The following ELP1 variants were observed in gnomAD, a reference collection of about 807,000 sequenced individuals.
The protein encoded by ELP1 is elongator acetyltransferase complex subunit 1.
ELP1 carries 131 observed loss-of-function variants against 183.2 expected under a neutral mutation model. The observed-to-expected ratio is 0.72, with a 90% CI of 0.62 to 0.83. The LOEUF (loss-of-function observed/expected upper bound fraction) is 0.83. Ranked by LOEUF, ELP1 falls within the 40% of genes least tolerant of loss-of-function variation. The pLI, the probability that ELP1 is intolerant of heterozygous loss-of-function variation, is 0.00. For missense variants in ELP1, 1,550 were observed against 1,594.9 expected, an observed-to-expected ratio of 0.97 and a Z score of 0.48; for synonymous variants, 555 against 569.0, an observed-to-expected ratio of 0.98 and a Z score of 0.35.
rs756080414 is a variant in ELP1, at chr9:108,880,032, G to A, written c.3460+20C>T. 1.3e-6 allele frequency: 2 copies of A among 1,485,736 alleles called. No individual in the cohort carries two copies. The highest frequency in any genetic ancestry group is 1.1e-5 in the South Asian group (1 of 88,630). The allele number at this position is 1,485,736 out of a possible 1,614,324, so 92.0% of individuals were successfully genotyped here. On this transcript the variant is annotated intron_variant, in intron 32 of 36. Transcript: ENST00000374647. ...ACCCCACTGCCCCCGCACGTCGATG[G>A]CCTTCACGCAGATACTCACCCAGAC...
At position 108,918,861 on chromosome 9, in the gene ELP1, C is replaced by A; in HGVS notation, c.690G>T (p.Leu230Phe). The stretch of plus-strand genomic sequence containing the variant: ...CTGCCACAGGCTCACTGGTTGACTG[C>A]AAAGCAAACTCTCGGTTCCACACTC... The part of the protein sequence containing the change: ...KVRVWNREFA[L>F]QSTSEPVAGL... Residue 230 changes from leucine (L) to phenylalanine (F), a missense_variant, in exon 8 of 37, where the codon TTG becomes TTT. Transcript: ENST00000374647. 1 of 1,614,170 alleles carries A rather than the reference C, an allele frequency of 6.2e-7. No individual in the cohort carries two copies. Among genetic ancestry groups the A allele is most frequent in the Non-Finnish European group, 8.5e-7 (1 of 1,180,024 alleles).
chr9:108,885,143 A>G (rs1828077274), intron 29 of ELP1, among the ~76,000 whole-genome samples: 1 of 151,970 alleles, frequency 6.6e-6, no homozygotes, highest in Admixed American at 6.6e-5. Flanking sequence ...CATCACCTTA[A>G]GAAACTAGAA....
intron 1 of ELP1, among the ~76,000 whole-genome samples, chr9:108,932,995 T>G (rs1332233209): frequency 6.6e-6 from 1 of 152,214 alleles, no homozygotes; most frequent in Non-Finnish European, 1.5e-5. Context: ...TGGCTAGACA[T>G]CACATGCATG....
chr9:108,928,185 T>C (rs1390582798), intron 3 of ELP1, among the ~76,000 whole-genome samples: 1 of 152,178 alleles, frequency 6.6e-6, no homozygotes, highest in African/African-American at 2.4e-5. Flanking sequence ...AAATTAAAAA[T>C]TTATATTTAA....
chr9:108,872,631 C>T (rs963591785), intron 36 of ELP1, among the ~76,000 whole-genome samples: 3 of 151,152 alleles, frequency 2.0e-5, no homozygotes, highest in Admixed American at 6.6e-5. Context: ...GGTGAAACCC[C>T]GTCTCTACTA....
At chr9:108,887,467 C>T (rs1428137928) in intron 29 of ELP1, among the ~76,000 whole-genome samples, 1 of 152,156 alleles carries the variant, frequency 6.6e-6, no homozygotes, top group Non-Finnish European at 1.5e-5. Context: ...CCAAGAGCTT[C>T]TAGAACTAAT....
In ELP1 at chr9:108,881,742, A is replaced by G. The variant is rs1140075; in HGVS notation, c.3309T>C (p.Asp1103=). 10 of 1,582,842 alleles carry G rather than the reference A, an allele frequency of 6.3e-6. No individual in the cohort carries two copies. The South Asian group carries it at 1.0e-4, about 16-fold the overall frequency. The part of the protein sequence containing the change: ...LRLVYKYNRL[D]IIETNVKPSI... ...AAGGCTTTACGTTGGTTTCTATAAT[A>G]TCCAGTCTGTTATATTTGTATACCT... The change falls in exon 31 of 37, where the codon GAT becomes GAC. Residue 1103 remains aspartate (D), a synonymous_variant. Coordinates refer to ENST00000374647, the MANE Select transcript of ELP1 (RefSeq NM_003640.5).
At chr9:108,880,994 G>GT (rs1390199664) in intron 31 of ELP1, among the ~76,000 whole-genome samples, 1 of 152,136 alleles carries the variant, frequency 6.6e-6, no homozygotes, top group Non-Finnish European at 1.5e-5. Flanking sequence ...ACTCCCTAAG[G>GT]TTTCTATAAG....
intron 29 of ELP1, among the ~76,000 whole-genome samples, chr9:108,882,746 C>T (rs1827981494): frequency 6.6e-6 from 1 of 152,056 alleles, no homozygotes; most frequent in African/African-American, 2.4e-5. Flanking sequence ...AGGAATATGC[C>T]ACCACACCCA....
rs755406671 is a variant in ELP1 at position 108,910,991 on chromosome 9, C to T, written c.1360+19G>A. Reference sequence around the variant, plus strand: ...AGGGACTTGATTCAGAACATCTTGGCAAAAGTTTTATAACATACCACATTT... The same window carrying T: ...AGGGACTTGATTCAGAACATCTTGGTAAAAGTTTTATAACATACCACATTT... On this transcript the variant is annotated intron_variant, in intron 12 of 36. Coordinates refer to ENST00000374647, the MANE Select transcript of ELP1 (RefSeq NM_003640.5). 1.2e-6 allele frequency: 2 copies of T among 1,612,624 alleles called. No individual in the cohort carries two copies. Among genetic ancestry groups the T allele is most frequent in the Non-Finnish European group, 1.7e-6 (2 of 1,178,714 alleles).
intron 9 of ELP1, among the ~76,000 whole-genome samples, chr9:108,917,008 T>A (rs967276850): frequency 1.3e-5 from 2 of 152,234 alleles, no homozygotes; most frequent in African/African-American, 4.8e-5. Flanking sequence ...AAAACTAGCA[T>A]TTTTATTTCC....
At position 108,901,547 on chromosome 9, in the gene ELP1, G is replaced by A. The variant is rs373498962; in HGVS notation, c.1909-17C>T. On this transcript the variant is annotated splice_polypyrimidine_tract_variant and intron_variant, in intron 17 of 36. Transcript: ENST00000374647. ...TGACGCAACCTGCAAGAGAAGGCCA[G>A]AGAGGCATGGGTGAAAGCTAGCTAG... 2.5e-6 allele frequency: 4 copies of A among 1,611,834 alleles called. No individual in the cohort carries two copies. The highest frequency in any genetic ancestry group is 3.4e-6 in the Non-Finnish European group (4 of 1,177,818).
intron 35 of ELP1, among the ~76,000 whole-genome samples, chr9:108,876,206 G>A (rs778630998): frequency 3.3e-5 from 5 of 152,076 alleles, no homozygotes; most frequent in African/African-American, 4.8e-5. Flanking sequence ...AGCCCGGGGC[G>A]GTGGATGCTG....
At chr9:108,890,192 C>T (rs999000207) in intron 28 of ELP1, among the ~76,000 whole-genome samples, 3 of 151,930 alleles carry the variant, frequency 2.0e-5, no homozygotes, top group African/African-American at 7.3e-5. Flanking sequence ...CAATGGAGAC[C>T]GAACGAATAA....
In ELP1 at chr9:108,934,009, G is replaced by T. The variant is rs759954612; in HGVS notation, c.-201C>A. 2 of 156,534 alleles carry T rather than the reference G, an allele frequency of 1.3e-5. No homozygotes were observed. The highest frequency in any genetic ancestry group is 2.4e-5 in the African/African-American group (1 of 41,470). The allele number at this position is 156,534 out of a possible 1,614,324, so 9.7% of individuals were successfully genotyped here. On this transcript the variant is annotated 5_prime_UTR_variant, in exon 1 of 37. Coordinates refer to ENST00000374647, the MANE Select transcript of ELP1 (RefSeq NM_003640.5). The stretch of plus-strand genomic sequence containing the variant: ...TGTCCGCGGCTCCCGCTCTCTCTCC[G>T]ACGGCACTAGGCCTCCAAGGATGGA...
intron 26 of ELP1, 135 bp downstream of exon 26, chr9:108,893,808 G>T: frequency 2.2e-6 from 2 of 927,614 alleles, no homozygotes; most frequent in South Asian, 1.4e-5. Flanking sequence ...AATAACGTGA[G>T]CATACATAAT....
chr9:108,881,160 A>G (rs1391015696), intron 31 of ELP1, among the ~76,000 whole-genome samples: 1 of 152,204 alleles, frequency 6.6e-6, no homozygotes, highest in Non-Finnish European at 1.5e-5. Flanking sequence ...AACCTACATA[A>G]AAGTTGTAAG....
At chr9:108,915,708 T>C (rs977855265) in intron 10 of ELP1, among the ~76,000 whole-genome samples, 12 of 143,112 alleles carry the variant, frequency 8.4e-5, no homozygotes, top group Non-Finnish European at 1.8e-4. Flanking sequence ...TAAGTACAGC[T>C]GACCCTTGAA....
rs909953064 is a variant in ELP1 at position 108,876,651 on chromosome 9, G to T, written c.3855+1344C>A. Among the ~76,000 whole-genome samples the T allele has an allele frequency of 1.4e-4, 21 of 151,824 alleles. No homozygotes were observed. The Middle Eastern group carries it at 0.01, about 74-fold the overall frequency. On this transcript the variant is annotated intron_variant, in intron 35 of 36. Coordinates refer to ENST00000374647, the MANE Select transcript of ELP1 (RefSeq NM_003640.5). ...TGCTGCTGGCTTCCCATCATGTCCT[G>T]CCTACAGTGAACACCAGAGGGGGAG...
Sources: gnomAD v4.1 joint callset for allele counts (sites outside exome capture counted in the v4.1 genomes callset) on GRCh38, gnomAD v4.1.1 for gene constraint, MANE v1.5 for transcripts, NCBI Gene and HGNC (gene_info 2026-07-23, HGNC 2026-07-21) for gene names.